The following SMCO4 variants were observed in gnomAD, a reference collection of about 807,000 sequenced individuals.
SMCO4 encodes the protein single-pass membrane and coiled-coil domain-containing protein 4.
In SMCO4, 4 loss-of-function variants were observed where a neutral mutation model predicts 3.6. The observed-to-expected ratio is 1.11, with a 90% CI of 0.54 to 2.53. The LOEUF (loss-of-function observed/expected upper bound fraction) is 2.53, where lower values mean the gene tolerates loss of function less well. SMCO4 is among the 30% of genes most tolerant of loss of function. SMCO4 has a pLI of 0.02. For missense variants in SMCO4, 70 were observed against 80.8 expected (o/e 0.87, Z 0.51); for synonymous variants, 36 against 35.3 (o/e 1.02, Z -0.07).
intron 1 of SMCO4, among the ~76,000 whole-genome samples, chr11:93,516,135 A>G (rs968987053): frequency 6.6e-6 from 1 of 152,170 alleles, no homozygotes; most frequent in South Asian, 2.1e-4. Flanking sequence ...ACTAAAAAAG[A>G]TTTTTTAATT....
chr11:93,539,224 G>T (rs1287671810), intron 1 of SMCO4, among the ~76,000 whole-genome samples: 1 of 151,416 alleles, frequency 6.6e-6, no homozygotes, highest in Non-Finnish European at 1.5e-5. Flanking sequence ...TTCCCATCTT[G>T]CTATACCAGC....
rs71480684 is a variant in SMCO4 at position 93,524,511 on chromosome 11, T to C, written c.-154+18765A>G. Reference sequence around the variant, plus strand: ...ATCCCCATCTGTAAAATGGAGATGATGACGACCACTCCCTGGGAGCACTGG... The same window carrying C: ...ATCCCCATCTGTAAAATGGAGATGACGACGACCACTCCCTGGGAGCACTGG... On this transcript the variant is annotated intron_variant, in intron 1 of 2. Coordinates refer to ENST00000298966, the MANE Select transcript of SMCO4 (RefSeq NM_020179.3). Among the ~76,000 whole-genome samples, 1,103 of 152,240 alleles carry C rather than the reference T, an allele frequency of 7.2e-3. 9 individuals carry two copies. Among genetic ancestry groups the C allele is most frequent in the Non-Finnish European group, 0.013 (889 of 68,000 alleles).
chr11:93,507,067 C>T (rs191128207), intron 1 of SMCO4, among the ~76,000 whole-genome samples: 166 of 152,210 alleles, frequency 1.1e-3, no homozygotes, highest in African/African-American at 3.8e-3. Context: ...GGAAAACTGA[C>T]GGTATTTGTT....
At chr11:93,552,442 G>GTTATTA in the SMCO4 span, among the ~76,000 whole-genome samples, 34,904 of 129,854 alleles carry the variant, frequency 0.27, 5,303 homozygotes, top group Admixed American at 0.36. Context: ...GCCCAGCCAC[G>GTTATTA]TTATTATTAT....
chr11:93,516,882 G>A (rs1949012859), intron 1 of SMCO4, among the ~76,000 whole-genome samples: 1 of 152,098 alleles, frequency 6.6e-6, no homozygotes, highest in African/African-American at 2.4e-5. Flanking sequence ...CTCTACAATT[G>A]TGTGCTAAGA....
intron 1 of SMCO4, among the ~76,000 whole-genome samples, chr11:93,511,166 A>G (rs982006937): frequency 6.7e-4 from 102 of 152,250 alleles, no homozygotes; most frequent in African/African-American, 2.2e-3. Context: ...AACATGTCCA[A>G]TTAAAAAAAA....
At chr11:93,514,606 TAAAC>T (rs774965655) in intron 1 of SMCO4, among the ~76,000 whole-genome samples, 1 of 151,844 alleles carries the variant, frequency 6.6e-6, no homozygotes, top group Non-Finnish European at 1.5e-5. Context: ...ATTTCCCTAA[TAAAC>T]AAACAGGAAT....
intron 1 of SMCO4, among the ~76,000 whole-genome samples, chr11:93,511,406 T>G (rs184996918): frequency 1.3e-5 from 2 of 152,198 alleles, no homozygotes; most frequent in Admixed American, 1.3e-4. Flanking sequence ...ATAGCATCAT[T>G]GCATTATAAC....
At chr11:93,534,365 T>TAGAGAG (rs1344809846) in intron 1 of SMCO4, among the ~76,000 whole-genome samples, 1 of 95,758 alleles carries the variant, frequency 1.0e-5, no homozygotes, top group Non-Finnish European at 2.5e-5. Context: ...TACATATATA[T>TAGAGAG]ATATATATAT....
chr11:93,483,595 T>TGAGGC (rs1164814739), intron 2 of SMCO4, among the ~76,000 whole-genome samples: 3 of 149,356 alleles, frequency 2.0e-5, no homozygotes, highest in Non-Finnish European at 4.5e-5. Context: ...GAGTCCCCTG[T>TGAGGC]GAGGCCAGCT....
intron 1 of SMCO4, chr11:93,537,904 C>G (rs1373417023): frequency 1.3e-5 from 2 of 152,312 alleles, no homozygotes; most frequent in Non-Finnish European, 1.5e-5. Context: ...CAGAGGTAAC[C>G]TGGCTTCCTC....
chr11:93,486,994 G>A lies in SMCO4; in HGVS notation c.-80-7725C>T, dbSNP rs529110448. Among the ~76,000 whole-genome samples, 24 of 152,306 alleles carry A rather than the reference G, an allele frequency of 1.6e-4. No homozygotes were observed. The South Asian group carries it at 4.6e-3, about 29-fold the overall frequency. ...CACGAGAAGGGTATATATGGAGAAAGCTCCACCATCTCTTCTTGTAACTGT... is the reference window on the plus strand; with the variant it reads ...CACGAGAAGGGTATATATGGAGAAAACTCCACCATCTCTTCTTGTAACTGT... On this transcript the variant is annotated intron_variant, in intron 2 of 2. Transcript: ENST00000298966.
At chr11:93,494,938 C>A (rs1253904525) in intron 2 of SMCO4, among the ~76,000 whole-genome samples, 1 of 152,120 alleles carries the variant, frequency 6.6e-6, no homozygotes, top group Non-Finnish European at 1.5e-5. Context: ...TCCTGCCTAC[C>A]TTTTGCACTC....
intron 1 of SMCO4, among the ~76,000 whole-genome samples, chr11:93,541,546 CCAACTCCAAGCTTGAGCGT>C (rs1949271017): frequency 2.0e-5 from 3 of 152,134 alleles, no homozygotes; most frequent in Admixed American, 2.0e-4. Flanking sequence ...CAGGACCAAT[CCAACTCCAAGCTTGAGCGT>C]CCACTCCAAG....
At chr11:93,485,997 A>G (rs1223813087) in intron 2 of SMCO4, among the ~76,000 whole-genome samples, 1 of 152,106 alleles carries the variant, frequency 6.6e-6, no homozygotes, top group Non-Finnish European at 1.5e-5. Context: ...TTAATGAATG[A>G]CCAACTGAAT....
At chr11:93,483,103 G>A (rs1948610567) in intron 2 of SMCO4, among the ~76,000 whole-genome samples, 1 of 152,146 alleles carries the variant, frequency 6.6e-6, no homozygotes, top group Admixed American at 6.5e-5. Flanking sequence ...CTGGGGGCGA[G>A]GGGTGGCTCC....
upstream of SMCO4, among the ~76,000 whole-genome samples, chr11:93,546,333 C>T (rs1287567961): frequency 1.3e-5 from 2 of 152,198 alleles, no homozygotes; most frequent in Non-Finnish European, 2.9e-5. Context: ...AATCCTTTGG[C>T]AGTCAACATA....
At chr11:93,549,659 A>G in the SMCO4 span, among the ~76,000 whole-genome samples, 1 of 150,054 alleles carries the variant, frequency 6.7e-6, no homozygotes, top group Admixed American at 6.6e-5. Context: ...AGGTCTCACT[A>G]TGTTGCCCAG....
intron 1 of SMCO4, among the ~76,000 whole-genome samples, chr11:93,504,592 A>G (rs1948881009): frequency 6.6e-6 from 1 of 152,194 alleles, no homozygotes; most frequent in Non-Finnish European, 1.5e-5. Context: ...CACTGACCTA[A>G]TCTTCTTACA....
Sources: allele counts gnomAD v4.1 joint callset (sites outside exome capture counted in the v4.1 genomes callset), GRCh38; gene constraint gnomAD v4.1.1; transcripts MANE v1.5; gene names NCBI Gene and HGNC (gene_info 2026-07-23, HGNC 2026-07-21).